ANK3: variants seen among roughly 807,000 people sequenced by gnomAD.
ANK3 encodes the protein ankyrin 3, also known as ankyrin-3.
In ANK3, 57 loss-of-function variants were observed where a neutral mutation model predicts 370.9. The ratio of observed to expected loss-of-function variants is 0.15; its 90% CI spans 0.12 to 0.19. The LOEUF (loss-of-function observed/expected upper bound fraction) is 0.19, where lower values mean the gene tolerates loss of function less well. Among genes scored for constraint, ANK3 ranks in the 10% least tolerant of loss-of-function variants. ANK3 has a pLI of 1.00. For synonymous variants in ANK3, 1,929 were observed against 1,946.3 expected, an observed-to-expected ratio of 0.99 and a Z score of 0.23; for missense variants, 4,439 against 5,302.1, an observed-to-expected ratio of 0.84 and a Z score of 5.06.
rs1258699331 is a variant in ANK3 at position 60,410,370 on chromosome 10, G to C, written c.97-130731C>G. Among the ~76,000 whole-genome samples, 4 of 152,282 alleles carry C rather than the reference G, an allele frequency of 2.6e-5. No homozygotes were observed. In the East Asian group the frequency reaches 7.7e-4, roughly 29 times the overall value. On this transcript the variant is annotated intron_variant, in intron 2 of 43. Transcript: ENST00000373827. ...CACACCAGGTGTTTAGCTCCATGGG[G>C]GGAAGGGGCAACGTCTGTTTTTCTT...
At position 60,220,756 on chromosome 10, in the gene ANK3, C is replaced by T. The variant is rs150727155; in HGVS notation, c.898-7246G>A. 5.7e-3 allele frequency among the ~76,000 whole-genome samples: 872 copies of T among 152,190 alleles called. 8 individuals carry two copies. The highest frequency in any genetic ancestry group is 0.014 in the Middle Eastern group (4 of 294). On this transcript the variant is annotated intron_variant, in intron 8 of 43. Coordinates refer to ENST00000280772, the MANE Select transcript of ANK3 (RefSeq NM_020987.5). ...AAAATGTATACAACCAAGCTGTACC[C>T]GAACCACCTTGGGCACAGGTTCTCA...
chr10:60,688,500 T>C lies in ANK3; in HGVS notation c.57+44763A>G, dbSNP rs114149187. ...TGAGGATAGATCTCATGCTAAGTGT[T>C]CTTACCACAAGGAAAAGCTTTAAAA... On this transcript the variant is annotated intron_variant, in intron 1 of 43. Transcript: ENST00000373827. Among the ~76,000 whole-genome samples the C allele has an allele frequency of 2.7e-3, 418 of 152,366 alleles. 1 individual carries two copies. The highest frequency in any genetic ancestry group is 9.8e-3 in the African/African-American group (406 of 41,580).
At chr10:60,680,039 G>A (rs1488494325) in intron 1 of ANK3, among the ~76,000 whole-genome samples, 1 of 149,842 alleles carries the variant, frequency 6.7e-6, no homozygotes, top group African/African-American at 2.5e-5. Context: ...GGAGGTGGAG[G>A]CACAAGAATC....
chr10:60,199,326 T>G (rs1353678582), intron 13 of ANK3, among the ~76,000 whole-genome samples: 4 of 152,064 alleles, frequency 2.6e-5, no homozygotes, highest in Admixed American at 2.0e-4. Flanking sequence ...GAGGACACCA[T>G]TTTGGAAGAA....
intron 2 of ANK3, chr10:60,615,047 A>C: frequency 3.7e-6 from 2 of 543,590 alleles, no homozygotes; most frequent in Non-Finnish European, 5.9e-6. Flanking sequence ...AATAAAAATA[A>C]CAACAACAAC....
intron 2 of ANK3, among the ~76,000 whole-genome samples, chr10:60,409,137 G>C (rs1168878425): frequency 6.6e-6 from 1 of 152,146 alleles, no homozygotes; most frequent in Non-Finnish European, 1.5e-5. Flanking sequence ...ACTGCAGTGA[G>C]GGTTACAGCT....
At chr10:60,304,357 C>T (rs2044500452) in intron 1 of ANK3, among the ~76,000 whole-genome samples, 1 of 151,994 alleles carries the variant, frequency 6.6e-6, no homozygotes, top group African/African-American at 2.4e-5. Context: ...GTTATCAAAA[C>T]ATTGGCTGGG....
chr10:60,272,555 C>G (rs2098013251), intron 4 of ANK3, among the ~76,000 whole-genome samples: 1 of 152,088 alleles, frequency 6.6e-6, no homozygotes, highest in African/African-American at 2.4e-5. Context: ...TCTCAGCTCA[C>G]TGCAACCTCC....
At position 60,213,397 on chromosome 10, in the gene ANK3, C is replaced by G. The variant is rs2096886764; in HGVS notation, c.996+15G>C. On this transcript the variant is annotated intron_variant, in intron 9 of 43. Coordinates refer to ENST00000280772, the MANE Select transcript of ANK3 (RefSeq NM_020987.5). Reference sequence around the variant, plus strand: ...TAAATACAGTCCAATGTCCAGAAACCTGAAAAGAAATTACCTTGGTTTTTG... The same window carrying G: ...TAAATACAGTCCAATGTCCAGAAACGTGAAAAGAAATTACCTTGGTTTTTG... 6.3e-7 allele frequency: 1 copy of G among 1,593,724 alleles called. No homozygotes were observed. The highest frequency in any genetic ancestry group is 1.1e-5 in the South Asian group (1 of 90,040).
intron 1 of ANK3, among the ~76,000 whole-genome samples, chr10:60,350,342 G>C (rs1159040742): frequency 6.6e-6 from 1 of 152,154 alleles, no homozygotes; most frequent in Non-Finnish European, 1.5e-5. Flanking sequence ...GAATGAGACA[G>C]CTTAAACAAA....
chr10:60,460,235 A>C (rs1399689719), intron 2 of ANK3, among the ~76,000 whole-genome samples: 2 of 152,174 alleles, frequency 1.3e-5, no homozygotes. Flanking sequence ...ACTTGCCGTC[A>C]GGAGCAAACC....
chr10:60,161,846 A>C (rs1291587236), intron 23 of ANK3, among the ~76,000 whole-genome samples: 1 of 144,308 alleles, frequency 6.9e-6, no homozygotes, highest in Non-Finnish European at 1.5e-5. Context: ...AGTTAACAAT[A>C]ATTTATAGTT....
At chr10:60,616,908 T>G (rs776168892) in intron 1 of ANK3, among the ~76,000 whole-genome samples, 1 of 152,172 alleles carries the variant, frequency 6.6e-6, no homozygotes, top group Non-Finnish European at 1.5e-5. Flanking sequence ...TGGTATGTAC[T>G]TTTTATTCGA....
At chr10:60,529,074 G>T (rs1036398482) in intron 2 of ANK3, among the ~76,000 whole-genome samples, 2 of 151,996 alleles carry the variant, frequency 1.3e-5, no homozygotes, top group Non-Finnish European at 2.9e-5. Flanking sequence ...ACCCTCAAAG[G>T]ATACTCACGA....
rs754887157 is a variant in ANK3 at position 60,072,630 on chromosome 10, T to A, written c.8251A>T (p.Ile2751Leu). Residue 2751 changes from isoleucine (I) to leucine (L), a missense_variant, in exon 37 of 44, where the codon ATA (isoleucine) becomes TTA (leucine). This residue lies in a region of ANK3 where 1,601 missense variants were observed against 1,731.7 expected (regional missense o/e 0.92). Coordinates refer to ENST00000280772, the MANE Select transcript of ANK3 (RefSeq NM_020987.5). The part of the protein sequence containing the change: ...DGQSRIPVKK[I>L]QESKLPVYQV... The stretch of plus-strand genomic sequence containing the variant: ...TAGACGGGTAGCTTGCTCTCCTGTA[T>A]TTTTTTAACTGGGATTCTGGACTGG... The A allele has an allele frequency of 6.2e-7, 1 of 1,614,050 alleles. No individual in the cohort carries two copies. The highest frequency in any genetic ancestry group is 8.5e-7 in the Non-Finnish European group (1 of 1,179,972).
At chr10:60,030,826 G>A (rs2073319685) in intron 43 of ANK3, among the ~76,000 whole-genome samples, 2 of 152,138 alleles carry the variant, frequency 1.3e-5, no homozygotes, top group Admixed American at 6.5e-5. Flanking sequence ...CATTGTGCAC[G>A]GGCAAACACC....
intron 2 of ANK3, among the ~76,000 whole-genome samples, chr10:60,530,451 A>C (rs1396737457): frequency 1.3e-5 from 1 of 77,570 alleles, no homozygotes; most frequent in Non-Finnish European, 2.8e-5. Context: ...GTTAATCTTC[A>C]CCAAAAAAAA....
At chr10:60,495,959 G>A (rs938677460) in intron 2 of ANK3, among the ~76,000 whole-genome samples, 6 of 151,422 alleles carry the variant, frequency 4.0e-5, no homozygotes, top group African/African-American at 1.5e-4. Context: ...ACAGATTACT[G>A]GTGTGTGCAT....
chr10:60,633,836 C>A (rs2078517044), intron 1 of ANK3, among the ~76,000 whole-genome samples: 1 of 152,148 alleles, frequency 6.6e-6, no homozygotes, highest in African/African-American at 2.4e-5. Context: ...CTTTCATTTT[C>A]TCTTAAGTTG....
Sources: gnomAD v4.1 joint callset for allele counts (sites outside exome capture counted in the v4.1 genomes callset) on GRCh38, gnomAD v4.1.1 for gene constraint, gnomAD v4.1.1 regional missense constraint, MANE v1.5 for transcripts, NCBI Gene and HGNC (gene_info 2026-07-23, HGNC 2026-07-21) for gene names.